NRXN1: variants seen among roughly 807,000 people sequenced by gnomAD.
NRXN1 encodes the protein neurexin-1.
A neutral mutation model predicts 150.9 loss-of-function variants in NRXN1; 39 were observed. The observed-to-expected ratio is 0.26, with a 90% CI of 0.20 to 0.34. The LOEUF (loss-of-function observed/expected upper bound fraction) is 0.34, where lower values mean the gene tolerates loss of function less well. NRXN1 is among the 10% of genes least tolerant of loss of function. NRXN1 has a pLI of 1.00. For missense variants in NRXN1, 1,815 were observed against 1,949.9 expected (o/e 0.93, Z 1.30); for synonymous variants, 924 against 757.0 (o/e 1.22, Z -3.62).
At chr2:50,893,178 G>C (rs1449915342) in intron 5 of NRXN1, among the ~76,000 whole-genome samples, 3 of 152,066 alleles carry the variant, frequency 2.0e-5, no homozygotes, top group Non-Finnish European at 4.4e-5. Flanking sequence ...TACCCTAAGT[G>C]CATCTGAGCA....
chr2:50,503,551 A>C (rs2104971752), intron 13 of NRXN1, among the ~76,000 whole-genome samples: 1 of 107,748 alleles, frequency 9.3e-6, no homozygotes, highest in African/African-American at 4.0e-5. Context: ...AAAAAAGAGA[A>C]ATGAAAAGAA....
At chr2:50,245,005 A>C (rs1202384667) in intron 17 of NRXN1, among the ~76,000 whole-genome samples, 3 of 151,972 alleles carry the variant, frequency 2.0e-5, no homozygotes, top group African/African-American at 7.2e-5. Flanking sequence ...GTAGTTTGAA[A>C]TAATGTTCAA....
At chr2:50,670,923 C>T (rs916745082) in intron 5 of NRXN1, among the ~76,000 whole-genome samples, 3 of 151,760 alleles carry the variant, frequency 2.0e-5, no homozygotes, top group African/African-American at 4.8e-5. Flanking sequence ...AGTTGGTGTC[C>T]GCTGTGTTAC....
intron 18 of NRXN1, among the ~76,000 whole-genome samples, chr2:50,193,696 C>A (rs547293284): frequency 5.9e-4 from 89 of 152,058 alleles, no homozygotes; most frequent in African/African-American, 2.1e-3. Flanking sequence ...TTCAAAGATA[C>A]CCATTATAAA....
Position 50,916,333 on chromosome 2 carries a change from C to T in NRXN1, c.832+5536G>A, listed in dbSNP as rs1306892338. 2.6e-5 allele frequency among the ~76,000 whole-genome samples: 4 copies of T among 151,026 alleles called. 1 individual carries two copies. On this transcript the variant is annotated intron_variant, in intron 5 of 22. Transcript: ENST00000401669. ...AAGATCTCTAATATTCTTCTCTGCT[C>T]CAAAATGTTATGATTCTAATTAAAG... is the stretch of plus-strand genomic sequence containing the variant.
Position 50,898,840 on chromosome 2 carries a change from T to G in NRXN1, c.832+23029A>C, listed in dbSNP as rs1452687998. ...GGGTTTTTTTAACCAGAATAAAAGA[T>G]TTCTATGGAAGCTTTCTGTTCAGAA... On this transcript the variant is annotated intron_variant, in intron 5 of 22. Coordinates refer to ENST00000401669, the MANE Select transcript of NRXN1 (RefSeq NM_001330078.2). Among the ~76,000 whole-genome samples, 3 of 151,942 alleles carry G rather than the reference T, an allele frequency of 2.0e-5. No homozygotes were observed. In the East Asian group the frequency reaches 5.8e-4, roughly 29 times the overall value.
chr2:50,165,170 G>A (rs1406008680), intron 18 of NRXN1, among the ~76,000 whole-genome samples: 3 of 152,036 alleles, frequency 2.0e-5, no homozygotes, highest in Non-Finnish European at 4.4e-5. Context: ...ATGTGGAGAA[G>A]TATGAAGTAG....
intron 18 of NRXN1, among the ~76,000 whole-genome samples, chr2:50,100,811 C>G (rs1700879133): frequency 6.6e-6 from 1 of 151,962 alleles, no homozygotes; most frequent in South Asian, 2.1e-4. Flanking sequence ...GAAATAGTTG[C>G]CTTTAAATGT....
At chr2:50,792,891 A>T (rs1397235218) in intron 5 of NRXN1, among the ~76,000 whole-genome samples, 1 of 152,128 alleles carries the variant, frequency 6.6e-6, no homozygotes, top group African/African-American at 2.4e-5. Flanking sequence ...CCAAAGTAAC[A>T]TAAGCTGTAA....
At chr2:50,336,985 A>G (rs2077227710) in intron 17 of NRXN1, among the ~76,000 whole-genome samples, 1 of 152,240 alleles carries the variant, frequency 6.6e-6, no homozygotes, top group South Asian at 2.1e-4. Context: ...CACTGGCAAT[A>G]AAAGCTAGAG....
At chr2:50,113,665 A>G (rs569891264) in intron 18 of NRXN1, among the ~76,000 whole-genome samples, 10 of 152,294 alleles carry the variant, frequency 6.6e-5, no homozygotes, top group African/African-American at 2.4e-4. Flanking sequence ...GTTCAATTCT[A>G]GAGGAGGAAT....
chr2:50,672,051 G>C (rs1019787569), intron 5 of NRXN1, among the ~76,000 whole-genome samples: 1 of 151,834 alleles, frequency 6.6e-6, no homozygotes, highest in African/African-American at 2.4e-5. Context: ...AAAAATCAAT[G>C]AGAACAAATT....
intron 17 of NRXN1, among the ~76,000 whole-genome samples, chr2:50,412,815 C>T (rs2083284203): frequency 6.6e-6 from 1 of 152,042 alleles, no homozygotes; most frequent in Non-Finnish European, 1.5e-5. Flanking sequence ...AACAAAGGCA[C>T]CAAAAACATA....
intron 8 of NRXN1, among the ~76,000 whole-genome samples, chr2:50,582,856 A>G (rs565322641): frequency 1.3e-5 from 2 of 152,062 alleles, no homozygotes; most frequent in Non-Finnish European, 2.9e-5. Flanking sequence ...AGCTATCAGA[A>G]CCAGTCCCAC....
Position 50,091,429 on chromosome 2 carries a change from A to G in NRXN1, c.3612T>C (p.Asn1204=), listed in dbSNP as rs757509384. 4 of 1,614,054 alleles carry G rather than the reference A, an allele frequency of 2.5e-6. No individual in the cohort carries two copies. The South Asian group carries it at 4.4e-5, about 18-fold the overall frequency. Residue 1204 remains asparagine, a synonymous_variant, in exon 19 of 23, where the codon AAT becomes AAC. Transcript: ENST00000401669. ...GGTATTTCCCATCATTAATGATTGC[A>G]TTGGATTCTTCAATGGCGATGTCAT... is the stretch of plus-strand genomic sequence containing the variant. ...GTDDIAIEES[N]AIINDGKYHV...
intron 18 of NRXN1, among the ~76,000 whole-genome samples, chr2:50,234,468 T>C (rs1334413744): frequency 6.6e-6 from 1 of 152,088 alleles, no homozygotes; most frequent in Non-Finnish European, 1.5e-5. Context: ...CACTCCAGCC[T>C]GGGCAACAAG....
At chr2:50,782,761 G>A (rs1704529661) in intron 5 of NRXN1, among the ~76,000 whole-genome samples, 2 of 152,142 alleles carry the variant, frequency 1.3e-5, no homozygotes. Context: ...CTGGGTTATG[G>A]CTGGTTCTAA....
chr2:50,351,871 TA>T lies in NRXN1; in HGVS notation c.3364+113570del, dbSNP rs1204307086. Among the ~76,000 whole-genome samples, 5 of 152,184 alleles carry T rather than the reference TA, an allele frequency of 3.3e-5. No homozygotes were observed. The East Asian group carries it at 9.6e-4, about 29-fold the overall frequency. ...TTGGAAGACATTTTTTTCAGGTACT[TA>T]AAAGAATGAAGAGCTGGAACTTCAC... On this transcript the variant is annotated intron_variant, in intron 17 of 22. Transcript: ENST00000401669.
rs748364051 is a variant in NRXN1 at position 50,434,043 on chromosome 2, ATTTTTTTTTTT to A, written c.3364+31388_3364+31398del. On this transcript the variant is annotated intron_variant, in intron 17 of 22. Transcript: ENST00000401669. ...ACTCCTTGCTTCCGGTATCTAAGCCATTTTTTTTTTTTTTTTTTTTTTTTTTTTTTTGAGAC... is the reference window on the plus strand; with the variant it reads ...ACTCCTTGCTTCCGGTATCTAAGCCATTTTTTTTTTTTTTTTTTTTGAGAC... Among the ~76,000 whole-genome samples, 101 of 72,142 alleles carry A rather than the reference ATTTTTTTTTTT, an allele frequency of 1.4e-3. 2 individuals are homozygous for A. Among genetic ancestry groups the A allele is most frequent in the African/African-American group, 5.3e-3 (96 of 18,176 alleles). 47.3% of individuals were successfully genotyped at this position (72,142 alleles called of 152,430 possible).
Sources: allele counts gnomAD v4.1 joint callset (sites outside exome capture counted in the v4.1 genomes callset), GRCh38; gene constraint gnomAD v4.1.1; transcripts MANE v1.5; gene names NCBI Gene and HGNC (gene_info 2026-07-23, HGNC 2026-07-21).